Variants in GABBR2 observed in about 807,000 individuals in gnomAD.
GABBR2 encodes gamma-aminobutyric acid type B receptor subunit 2.
A neutral mutation model predicts 105.6 loss-of-function variants in GABBR2; 23 were observed. The ratio of observed to expected loss-of-function variants is 0.22; its 90% CI spans 0.16 to 0.31. The LOEUF (loss-of-function observed/expected upper bound fraction) is 0.31, where lower values mean the gene tolerates loss of function less well. GABBR2 is among the 10% of genes least tolerant of loss of function. The pLI is 1.00. For missense variants in GABBR2, 734 were observed against 1,245.5 expected, an observed-to-expected ratio of 0.59 and a Z score of 6.18; for synonymous variants, 478 against 499.7, an observed-to-expected ratio of 0.96 and a Z score of 0.58.
At chr9:98,312,973 C>T (rs1830658893) in intron 13 of GABBR2, among the ~76,000 whole-genome samples, 1 of 152,200 alleles carries the variant, frequency 6.6e-6, no homozygotes, top group African/African-American at 2.4e-5. Flanking sequence ...CGGTCTTGAG[C>T]TGCCGACCTT....
Position 98,353,882 on chromosome 9 carries a change from G to A in GABBR2, c.1893+8833C>T, listed in dbSNP as rs191555399. 2.3e-3 allele frequency among the ~76,000 whole-genome samples: 343 copies of A among 152,216 alleles called. 1 individual carries two copies. The highest frequency in any genetic ancestry group is 3.4e-3 in the Non-Finnish European group (231 of 68,024). On this transcript the variant is annotated intron_variant, in intron 13 of 18. Transcript: ENST00000259455. ...CACGAGATCTAATAATTTTATAAGC[G>A]TCTGGCATTTCCCCTTCTTGCACTC...
intron 13 of GABBR2, among the ~76,000 whole-genome samples, chr9:98,322,364 T>C (rs1830839108): frequency 6.6e-6 from 1 of 152,116 alleles, no homozygotes; most frequent in Non-Finnish European, 1.5e-5. Context: ...GCCTGTCACA[T>C]GCAGGTGAAT....
At chr9:98,697,034 G>T (rs1830761797) in intron 1 of GABBR2, among the ~76,000 whole-genome samples, 1 of 152,114 alleles carries the variant, frequency 6.6e-6, no homozygotes, top group African/African-American at 2.4e-5. Flanking sequence ...TTGCTTTTAT[G>T]GGAGGAAAAT....
intron 5 of GABBR2, among the ~76,000 whole-genome samples, chr9:98,477,013 C>T (rs917016521): frequency 2.6e-5 from 4 of 152,142 alleles, no homozygotes; most frequent in African/African-American, 9.7e-5. Context: ...TTGCAGTATT[C>T]CTATGGTCAG....
chr9:98,682,874 G>C (rs1193894190), intron 1 of GABBR2, among the ~76,000 whole-genome samples: 1 of 113,612 alleles, frequency 8.8e-6, no homozygotes, highest in Non-Finnish European at 1.8e-5. Context: ...AATTGACAGA[G>C]CTTTTGATTT....
At chr9:98,395,480 C>G (rs1832271574) in intron 8 of GABBR2, among the ~76,000 whole-genome samples, 4 of 151,888 alleles carry the variant, frequency 2.6e-5, no homozygotes, top group Non-Finnish European at 5.9e-5. Flanking sequence ...AGGAATGAGA[C>G]CCCCAGGGAA....
intron 1 of GABBR2, among the ~76,000 whole-genome samples, chr9:98,581,845 T>C (rs1485004131): frequency 6.6e-6 from 1 of 152,236 alleles, no homozygotes; most frequent in Non-Finnish European, 1.5e-5. Flanking sequence ...AATGAATTTA[T>C]TAATACATGC....
chr9:98,529,343 G>A (rs1348343415), intron 3 of GABBR2, among the ~76,000 whole-genome samples: 1 of 152,224 alleles, frequency 6.6e-6, no homozygotes, highest in South Asian at 2.1e-4. Context: ...AAGAAGCACT[G>A]TAGCCATTAG....
intron 2 of GABBR2, among the ~76,000 whole-genome samples, chr9:98,545,052 T>G (rs10819042): frequency 0.069 from 10,578 of 152,240 alleles, 708 homozygotes; most frequent in African/African-American, 0.17. Context: ...CCAAAAATCC[T>G]TATCTAATAC....
chr9:98,290,709 G>T lies in GABBR2; in HGVS notation c.2701C>A (p.His901Asn). The T allele has an allele frequency of 6.7e-7, 1 of 1,489,706 alleles. No individual in the cohort carries two copies. Among genetic ancestry groups the T allele is most frequent in the East Asian group, 2.7e-5 (1 of 36,486 alleles). The allele number at this position is 1,489,706 out of a possible 1,614,324, so 92.3% of individuals were successfully genotyped here. ...CCTCCGATGGATGGGAGGTAGGCGT[G>T]GTGGAGGATGGGGAGCTGGAGGGAC... is the stretch of plus-strand genomic sequence containing the variant. Reference protein sequence around the residue: ...RLSLQLPILHHAYLPSIGGVD... With the variant: ...RLSLQLPILHNAYLPSIGGVD... Residue 901 changes from histidine (H) to asparagine (N), a missense_variant, in exon 19 of 19, where the codon CAC (histidine) becomes AAC (asparagine). Transcript: ENST00000259455.
chr9:98,463,934 C>T (rs2808547), intron 6 of GABBR2, among the ~76,000 whole-genome samples: 70,713 of 152,052 alleles, frequency 0.47, 16,894 homozygotes, highest in Middle Eastern at 0.53. Flanking sequence ...GCTCACTCAA[C>T]GCTCAATGTT....
intron 1 of GABBR2, among the ~76,000 whole-genome samples, chr9:98,700,041 A>T (rs1830809646): frequency 1.4e-4 from 22 of 152,162 alleles, no homozygotes; most frequent in Admixed American, 1.4e-3. Context: ...GTGCCTGGAG[A>T]AGGGGAATGC....
chr9:98,543,959 A>T (rs1828355795), intron 2 of GABBR2, among the ~76,000 whole-genome samples: 1 of 151,504 alleles, frequency 6.6e-6, no homozygotes, highest in Non-Finnish European at 1.5e-5. Context: ...GGCCTCTCTT[A>T]CTCTGAGATT....
At chr9:98,305,262 T>A (rs1830533399) in intron 15 of GABBR2, among the ~76,000 whole-genome samples, 1 of 152,216 alleles carries the variant, frequency 6.6e-6, no homozygotes, top group Non-Finnish European at 1.5e-5. Flanking sequence ...TATAAGTGGC[T>A]ACTAAAAACA....
intron 4 of GABBR2, among the ~76,000 whole-genome samples, chr9:98,494,418 G>A (rs1380939714): frequency 6.6e-6 from 1 of 152,182 alleles, no homozygotes; most frequent in Non-Finnish European, 1.5e-5. Context: ...CAGGTGTCTG[G>A]GTGAGGGGAG....
chr9:98,676,759 ATAATGTTGACTG>A (rs1488486435), intron 1 of GABBR2, among the ~76,000 whole-genome samples: 2 of 152,250 alleles, frequency 1.3e-5, no homozygotes, highest in African/African-American at 2.4e-5. Flanking sequence ...TGGACCAGCC[ATAATGTTGACTG>A]AGGGAGAAAT....
At chr9:98,600,624 G>A (rs1174885062) in intron 1 of GABBR2, among the ~76,000 whole-genome samples, 1 of 152,374 alleles carries the variant, frequency 6.6e-6, no homozygotes, top group East Asian at 1.9e-4. Context: ...AACATCAGCT[G>A]TCACCATGAC....
intron 18 of GABBR2, among the ~76,000 whole-genome samples, chr9:98,291,031 T>C (rs1015188617): frequency 1.3e-5 from 2 of 152,110 alleles, no homozygotes; most frequent in Admixed American, 6.5e-5. Flanking sequence ...TTATTATAAA[T>C]ACCCTAGCAG....
At chr9:98,483,310 T>C (rs1412646057) in intron 4 of GABBR2, among the ~76,000 whole-genome samples, 1 of 152,144 alleles carries the variant, frequency 6.6e-6, no homozygotes, top group Non-Finnish European at 1.5e-5. Context: ...TGAGTTTGGT[T>C]ACCATCATTC....
Sources: allele counts gnomAD v4.1 joint callset (sites outside exome capture counted in the v4.1 genomes callset), GRCh38; gene constraint gnomAD v4.1.1; transcripts MANE v1.5; gene names NCBI Gene and HGNC (gene_info 2026-07-23, HGNC 2026-07-21).